Variants in GDF1 observed in about 807,000 individuals in gnomAD.
GDF1 encodes embryonic growth/differentiation factor 1.
GDF1 carries 8 observed loss-of-function variants against 7.4 expected under a neutral mutation model. That is an observed-to-expected ratio of 1.09 (90% CI 0.64 to 1.96). The LOEUF (loss-of-function observed/expected upper bound fraction) is 1.96. GDF1 is among the 30% of genes most tolerant of loss of function. GDF1 has a pLI of 0.00. For synonymous variants in GDF1, 311 were observed against 276.7 expected (o/e 1.12, Z -1.23); for missense variants, 574 against 551.5 (o/e 1.04, Z -0.41).
intron 3 of GDF1, 147 bp downstream of exon 3, chr19:18,883,940 A>C: frequency 2.6e-6 from 2 of 764,902 alleles, no homozygotes; most frequent in Non-Finnish European, 4.0e-6. Context: ...CCCTCGTCGG[A>C]CCCCTGAGCA....
intron 1 of GDF1, among the ~76,000 whole-genome samples, chr19:18,893,794 G>C (rs1266523565): frequency 5.9e-5 from 9 of 152,162 alleles, no homozygotes; most frequent in African/African-American, 2.2e-4. Context: ...TGCTGGGAGG[G>C]GAGTGAGGGG....
chr19:18,874,612 G>C (rs900445687), intron 6 of GDF1, among the ~76,000 whole-genome samples: 2 of 152,224 alleles, frequency 1.3e-5, no homozygotes, highest in Non-Finnish European at 2.9e-5. Flanking sequence ...CCCCTGAGAG[G>C]GCAATGGGGA....
chr19:18,888,322 G>A (rs1343262315), intron 2 of GDF1, among the ~76,000 whole-genome samples: 3 of 151,454 alleles, frequency 2.0e-5, no homozygotes, highest in African/African-American at 7.3e-5. Context: ...TGGTGCCACC[G>A]CACTCCAGCC....
chr19:18,875,819 G>A (rs1224288308), intron 6 of GDF1, among the ~76,000 whole-genome samples: 1 of 152,150 alleles, frequency 6.6e-6, no homozygotes, highest in African/African-American at 2.4e-5. Context: ...GGAAGACGGA[G>A]ACTGAGACTG....
chr19:18,877,484 C>T (rs989003246), intron 6 of GDF1, among the ~76,000 whole-genome samples: 1 of 152,216 alleles, frequency 6.6e-6, no homozygotes, highest in Non-Finnish European at 1.5e-5. Context: ...GCTGCAGTGG[C>T]TCATGCCTGT....
intron 2 of GDF1, among the ~76,000 whole-genome samples, chr19:18,884,863 G>A (rs1051148057): frequency 6.6e-6 from 1 of 151,074 alleles, no homozygotes; most frequent in Admixed American, 6.6e-5. Context: ...ACAGGCGCTG[G>A]ACACCATGCC....
chr19:18,868,898 T>TACAGCCGCCGCGCGCG lies in GDF1; in HGVS notation c.802_817dup (p.Tyr273SerfsTer84). 7.1e-7 allele frequency: 1 copy of TACAGCCGCCGCGCGCG among 1,410,890 alleles called. No homozygotes were observed. The highest frequency in any genetic ancestry group is 9.3e-7 in the Non-Finnish European group (1 of 1,074,300). The allele number at this position is 1,410,890 out of a possible 1,614,324, so 87.4% of individuals were successfully genotyped here. A position where few individuals can be genotyped will look rare whatever the true frequency, so the allele number is the denominator to read the frequency against. On this transcript the variant is annotated frameshift_variant, in exon 8 of 8. Transcript: ENST00000247005. LOFTEE classifies it low-confidence loss of function (END_TRUNC). ...CCAGCCCACCTCGCGGAAGCTCACG[T>TACAGCCGCCGCGCGCG]ACAGCCGCCGCGCGCGACAAGCGCC... is the stretch of plus-strand genomic sequence containing the variant.
chr19:18,879,117 C>T, intron 5 of GDF1, 78 bp from the exon 6 acceptor site: 1 of 1,585,718 alleles, frequency 6.3e-7, no homozygotes, highest in Non-Finnish European at 8.6e-7. Context: ...GTGCTCCTGT[C>T]CCGGGCCCTC....
At position 18,884,150 on chromosome 19, in the gene GDF1, G is replaced by C. The variant is rs555889038; in HGVS notation, c.-796C>G. Reference sequence around the variant, plus strand: ...CACGTGGTGGAGCAGCATGACCACCGAGTCCTTGCGCCAGGTGTCCATGTA... The same window carrying C: ...CACGTGGTGGAGCAGCATGACCACCCAGTCCTTGCGCCAGGTGTCCATGTA... On this transcript the variant is annotated 5_prime_UTR_variant, in exon 3 of 8. Transcript: ENST00000247005. 1.2e-5 allele frequency: 19 copies of C among 1,613,758 alleles called. 1 individual carries two copies. In the Middle Eastern group the frequency reaches 2.3e-3, roughly 196 times the overall value.
In GDF1 at chr19:18,870,938, C is replaced by G. The variant is rs1023543669; in HGVS notation, c.-312-319G>C. Among the ~76,000 whole-genome samples, 19 of 152,180 alleles carry G rather than the reference C, an allele frequency of 1.2e-4. No individual in the cohort carries two copies. The highest frequency in any genetic ancestry group is 3.9e-4 in the African/African-American group (16 of 41,442). ...CCGCTGGAGGGCAAAACCCACGTAC[C>G]GGCCTGGGCCTGACAACTCCACCGC... On this transcript the variant is annotated intron_variant, in intron 6 of 7. Transcript: ENST00000247005. The surrounding 1 kb of genome is among the most constrained non-coding windows in gnomAD (Gnocchi z 5.1).
intron 2 of GDF1, among the ~76,000 whole-genome samples, chr19:18,886,881 C>T (rs1189500190): frequency 2.6e-5 from 4 of 152,240 alleles, no homozygotes; most frequent in Admixed American, 6.5e-5. Flanking sequence ...CACCCCAGTC[C>T]AGGCACTGTT....
At position 18,878,040 on chromosome 19, in the gene GDF1, G is replaced by A. The variant is rs2056095180; in HGVS notation, c.-313+890C>T. On this transcript the variant is annotated intron_variant, in intron 6 of 7. Transcript: ENST00000247005. The surrounding 1 kb of genome is among the most constrained non-coding windows in gnomAD (Gnocchi z 4.6). ...GGCTACAGCCCCGGATGTGTTAAAT[G>A]TCTGCATCTCGCACCTCCCGTTCCA... is the stretch of plus-strand genomic sequence containing the variant. 1.0e-6 allele frequency: 1 copy of A among 985,484 alleles called. No homozygotes were observed. The highest frequency in any genetic ancestry group is 1.7e-5 in the African/African-American group (1 of 57,326). The allele number at this position is 985,484 out of a possible 1,614,324, so 61.0% of individuals were successfully genotyped here.
At chr19:18,883,687 T>A (rs1055406639) in intron 3 of GDF1, among the ~76,000 whole-genome samples, 7 of 152,214 alleles carry the variant, frequency 4.6e-5, no homozygotes, top group Non-Finnish European at 1.0e-4. Flanking sequence ...TGGTTGGCTC[T>A]AGAACATCAG....
chr19:18,892,263 G>A (rs1350269880), intron 2 of GDF1, among the ~76,000 whole-genome samples: 2 of 152,046 alleles, frequency 1.3e-5, no homozygotes, highest in African/African-American at 4.8e-5. Flanking sequence ...CCATAGGGCA[G>A]CCAGAGGAAG....
At chr19:18,889,720 G>A (rs776818159) in intron 2 of GDF1, among the ~76,000 whole-genome samples, 29 of 151,974 alleles carry the variant, frequency 1.9e-4, no homozygotes, top group African/African-American at 3.9e-4. Context: ...GTGAGTCACC[G>A]CACCTGGCCT....
chr19:18,896,073 AC>A lies in GDF1; in HGVS notation c.-1324del. ...CCGCCGCGGGCCCCGCCGCCGCCATACCGCCCGCTCGCCCGCCGTGCCCGTC... is the reference window on the plus strand; with the variant it reads ...CCGCCGCGGGCCCCGCCGCCGCCATACGCCCGCTCGCCCGCCGTGCCCGTC... On this transcript the variant is annotated 5_prime_UTR_variant, in exon 1 of 8. Transcript: ENST00000247005. This position sits in a 1 kb window ranked among gnomAD's most constrained non-coding sequence, Gnocchi z 5.9. The A allele has an allele frequency of 1.0e-6, 1 of 968,026 alleles. No individual in the cohort carries two copies. Among genetic ancestry groups the A allele is most frequent in the Non-Finnish European group, 1.2e-6 (1 of 816,914 alleles). The allele number at this position is 968,026 out of a possible 1,614,324, so 60.0% of individuals were successfully genotyped here.
chr19:18,875,727 AC>A (rs1358715810), intron 6 of GDF1, among the ~76,000 whole-genome samples: 2 of 152,186 alleles, frequency 1.3e-5, no homozygotes, highest in Admixed American at 1.3e-4. Flanking sequence ...AGACAACAAG[AC>A]CAGTGACCCT....
At chr19:18,871,093 CCT>C (rs1491587597) in intron 6 of GDF1, among the ~76,000 whole-genome samples, 2 of 151,626 alleles carry the variant, frequency 1.3e-5, no homozygotes, top group East Asian at 1.9e-4. Flanking sequence ...CTTTTATTTT[CCT>C]TTTTTTTTTT....
chr19:18,883,268 T>C (rs531358254), intron 3 of GDF1: 1 of 152,342 alleles, frequency 6.6e-6, no homozygotes, highest in East Asian at 1.9e-4. Context: ...TTAAAGTTTC[T>C]ATTGGCCACA....
Sources: allele counts gnomAD v4.1 joint callset (sites outside exome capture counted in the v4.1 genomes callset), GRCh38; gene constraint gnomAD v4.1.1; non-coding constraint Gnocchi (gnomAD v3.1); transcripts MANE v1.5; gene names NCBI Gene and HGNC (gene_info 2026-07-23, HGNC 2026-07-21).